The following ARSL variants were observed in gnomAD, a reference collection of about 807,000 sequenced individuals.
ARSL encodes the protein arylsulfatase E (chondrodysplasia punctata 1).
A neutral mutation model predicts 31.1 loss-of-function variants in ARSL; 4 were observed. The observed-to-expected ratio is 0.13, with a 90% CI of 0.06 to 0.29. The LOEUF (loss-of-function observed/expected upper bound fraction) is 0.29. Among genes scored for constraint, ARSL ranks in the 10% least tolerant of loss-of-function variants. ARSL has a pLI of 1.00. For synonymous variants in ARSL, 198 were observed against 209.9 expected (o/e 0.94, Z 0.49); for missense variants, 312 against 497.8 (o/e 0.63, Z 3.55).
chrX:2,945,865 T>C, intron 7 of ARSL, 133 bp downstream of exon 7: 1 of 852,848 alleles, frequency 1.2e-6, no homozygotes, highest in Non-Finnish European at 1.7e-6. Context: ...TATAATATTT[T>C]GCACTCTTAA....
At chrX:2,959,841 A>G in intron 2 of ARSL, 1 of 601,608 alleles carries the variant, frequency 1.7e-6, no homozygotes, top group Non-Finnish European at 2.4e-6. Flanking sequence ...GCATTGCCTG[A>G]GCCCAGGTGT....
intron 6 of ARSL, among the ~76,000 whole-genome samples, chrX:2,948,144 C>T (rs189718295): frequency 8.9e-6 from 1 of 111,833 alleles, no homozygotes; most frequent in Admixed American, 9.5e-5. Flanking sequence ...AAAAAATTAT[C>T]TAAGAATGTT....
chrX:2,934,807 G>T lies in ARSL; in HGVS notation c.*25C>A, dbSNP rs2089172912. 8.5e-7 allele frequency: 1 copy of T among 1,175,202 alleles called. No individual in the cohort carries two copies. Among genetic ancestry groups the T allele is most frequent in the African/African-American group, 1.8e-5 (1 of 56,822 alleles). ...TTGAGTGACAAAATTTAGGAATCGG[G>T]GCTCCAGCTTTTCACTGCAGACATT... On this transcript the variant is annotated 3_prime_UTR_variant, in exon 11 of 11. Transcript: ENST00000381134.
chrX:2,960,226 GCC>G (rs2089599441), intron 2 of ARSL, 150 bp downstream of exon 2: 1 of 242,360 alleles, frequency 4.1e-6, no homozygotes, highest in African/African-American at 4.5e-5. Context: ...CCGAGATCGC[GCC>G]ACTGCACTCC....
chrX:2,964,925 C>A (rs186526827), upstream of ARSL, among the ~76,000 whole-genome samples: 11 of 110,656 alleles, frequency 9.9e-5, no homozygotes, highest in Admixed American at 8.7e-4. Context: ...GGCATCATAG[C>A]AAGACCCTGT....
chrX:2,940,234 C>T (rs770195372), intron 8 of ARSL, among the ~76,000 whole-genome samples: 1 of 111,273 alleles, frequency 9.0e-6, no homozygotes, highest in East Asian at 2.8e-4. Context: ...GGAATATATT[C>T]AGCCATGGAA....
In ARSL at chrX:2,938,574, C is replaced by T. The variant is rs187675802; in HGVS notation, c.1127-317G>A. 1.3e-4 allele frequency among the ~76,000 whole-genome samples: 14 copies of T among 111,792 alleles called. No individual in the cohort carries two copies. The East Asian group carries it at 3.1e-3, about 25-fold the overall frequency. On this transcript the variant is annotated intron_variant, in intron 8 of 10. Transcript: ENST00000381134. The stretch of plus-strand genomic sequence containing the variant: ...CACAGAGGAGAAGGCCATGTGGAGA[C>T]GGAGGCAAAGACTGGAGTGATGTGG...
chrX:2,936,016 T>G (rs1294694391), intron 10 of ARSL, among the ~76,000 whole-genome samples: 2 of 110,930 alleles, frequency 1.8e-5, no homozygotes, highest in Non-Finnish European at 3.8e-5. Flanking sequence ...GGCAACATAC[T>G]GAGACCTTGT....
At chrX:2,946,260 C>T in intron 6 of ARSL, 126 bp from the exon 7 acceptor site, 1 of 553,333 alleles carries the variant, frequency 1.8e-6, no homozygotes, top group Non-Finnish European at 2.8e-6. Context: ...CTCTGCTCAC[C>T]AAAAAGAAAC....
Position 2,934,760 on chromosome X carries a change from T to G in ARSL, c.*72A>C. ...TAAAGTGCTGGGATGACAACCACCA[T>G]GGCCAGCTGGTTTGTTTCAATTTGA... On this transcript the variant is annotated 3_prime_UTR_variant, in exon 11 of 11. Coordinates refer to ENST00000381134, the MANE Select transcript of ARSL (RefSeq NM_000047.3). 1 of 1,041,451 alleles carries G rather than the reference T, an allele frequency of 9.6e-7. No individual in the cohort carries two copies. Among genetic ancestry groups the G allele is most frequent in the Non-Finnish European group, 1.3e-6 (1 of 756,547 alleles). The allele number at this position is 1,041,451 out of a possible 1,213,427, so 85.8% of individuals were successfully genotyped here.
chrX:2,945,787 C>T (rs969961011), intron 7 of ARSL, among the ~76,000 whole-genome samples: 2 of 112,104 alleles, frequency 1.8e-5, no homozygotes, highest in Non-Finnish European at 3.8e-5. Flanking sequence ...CATCTTTGGC[C>T]GAATCGCATT....
Position 2,958,149 on chromosome X carries a change from C to A in ARSL, c.185+125G>T, listed in dbSNP as rs188352782. ...AGTAACATTAGGGAGAGTTAGAAAA[C>A]GCAGAAGTGCAGAACTCTTGAAGTG... is the stretch of plus-strand genomic sequence containing the variant. On this transcript the variant is annotated intron_variant, in intron 3 of 10. Coordinates refer to ENST00000381134, the MANE Select transcript of ARSL (RefSeq NM_000047.3). The A allele has an allele frequency of 4.0e-3, 3,854 of 953,400 alleles. 88 individuals carry two copies. The African/African-American group carries it at 0.066, about 16-fold the overall frequency. The allele number at this position is 953,400 out of a possible 1,213,427, so 78.6% of individuals were successfully genotyped here.
At chrX:2,963,095 C>T (rs1214144205) in intron 1 of ARSL, among the ~76,000 whole-genome samples, 1 of 112,105 alleles carries the variant, frequency 8.9e-6, no homozygotes, top group Non-Finnish European at 1.9e-5. Context: ...ATCATTTGTG[C>T]TTTGTTTAGA....
At chrX:2,962,323 A>G (rs1337257273) in intron 1 of ARSL, among the ~76,000 whole-genome samples, 1 of 112,002 alleles carries the variant, frequency 8.9e-6, no homozygotes, top group Non-Finnish European at 1.9e-5. Flanking sequence ...GGACATGGGC[A>G]TGCATAGAAG....
chrX:2,960,440 C>G lies in ARSL; in HGVS notation c.-20-20G>C. ...TACTTCCTGTAAGACATAAAGATGT[C>G]CACAATCACATTGACAGCAGAAATT... is the stretch of plus-strand genomic sequence containing the variant. On this transcript the variant is annotated intron_variant, in intron 1 of 10. Coordinates refer to ENST00000381134, the MANE Select transcript of ARSL (RefSeq NM_000047.3). 5 of 1,201,128 alleles carry G rather than the reference C, an allele frequency of 4.2e-6. No homozygotes were observed. The highest frequency in any genetic ancestry group is 5.6e-6 in the Non-Finnish European group (5 of 889,606).
upstream of ARSL, among the ~76,000 whole-genome samples, chrX:2,966,862 A>T (rs915978592): frequency 9.1e-6 from 1 of 110,243 alleles, no homozygotes; most frequent in African/African-American, 3.3e-5. Flanking sequence ...ATAGACATCT[A>T]CATACATGTT....
chrX:2,938,626 C>T (rs1420201906), intron 8 of ARSL, among the ~76,000 whole-genome samples: 1 of 109,720 alleles, frequency 9.1e-6, no homozygotes, highest in Non-Finnish European at 1.9e-5. Context: ...TCCTGGAACC[C>T]CCAGGCGCTG....
chrX:2,958,150 G>A (rs1391510959), intron 3 of ARSL, 124 bp downstream of exon 3: 25 of 947,128 alleles, frequency 2.6e-5, no homozygotes, highest in East Asian at 6.8e-5. Flanking sequence ...GTTAGAAAAC[G>A]CAGAAGTGCA....
At chrX:2,952,860 T>A (rs2089480394) in intron 5 of ARSL, 1 of 207,988 alleles carries the variant, frequency 4.8e-6, no homozygotes, top group Non-Finnish European at 8.8e-6. Context: ...TCTTGCTATG[T>A]TGCCCAGGCG....
Sources: allele counts gnomAD v4.1 joint callset (sites outside exome capture counted in the v4.1 genomes callset), GRCh38; gene constraint gnomAD v4.1.1; transcripts MANE v1.5; gene names NCBI Gene and HGNC (gene_info 2026-07-23, HGNC 2026-07-21).